ZNF804B: variants seen among roughly 807,000 people sequenced by gnomAD.
ZNF804B encodes the protein zinc finger protein 804B.
A neutral mutation model predicts 101.4 loss-of-function variants in ZNF804B; 80 were observed. That is an observed-to-expected ratio of 0.79 (90% CI 0.66 to 0.95). The LOEUF (loss-of-function observed/expected upper bound fraction) is 0.95, where lower values mean the gene tolerates loss of function less well. Ranked by LOEUF, ZNF804B falls within the 40% of genes least tolerant of loss-of-function variation. The probability of loss-of-function intolerance (pLI) is 0.00; values close to 1 mark genes in which losing one functional copy is unlikely to be tolerated. For missense variants in ZNF804B, 1,673 were observed against 1,561.9 expected, an observed-to-expected ratio of 1.07 and a Z score of -1.20; for synonymous variants, 622 against 558.8, an observed-to-expected ratio of 1.11 and a Z score of -1.59.
chr7:88,841,269 G>A (rs558832463), intron 1 of ZNF804B, among the ~76,000 whole-genome samples: 57 of 152,322 alleles, frequency 3.7e-4, no homozygotes, highest in African/African-American at 1.3e-3. Context: ...TAGTCTTAGA[G>A]TGGGAGCTAT....
At chr7:88,822,108 A>G (rs1790991227) in intron 1 of ZNF804B, among the ~76,000 whole-genome samples, 1 of 152,180 alleles carries the variant, frequency 6.6e-6, no homozygotes, top group South Asian at 2.1e-4. Context: ...CCAACTAATT[A>G]TACTTATCCA....
At chr7:89,324,980 C>T (rs1790877486) in intron 2 of ZNF804B, among the ~76,000 whole-genome samples, 1 of 150,960 alleles carries the variant, frequency 6.6e-6, no homozygotes, top group Non-Finnish European at 1.5e-5. Context: ...TTATCCTCTA[C>T]TGATGCATGA....
intron 1 of ZNF804B, among the ~76,000 whole-genome samples, chr7:89,019,706 C>G (rs1309544484): frequency 6.6e-6 from 1 of 151,884 alleles, no homozygotes; most frequent in Non-Finnish European, 1.5e-5. Context: ...CTGAATTGAT[C>G]CCTTATTTAT....
intron 1 of ZNF804B, among the ~76,000 whole-genome samples, chr7:89,051,368 C>T (rs1378848714): frequency 6.6e-6 from 1 of 151,978 alleles, no homozygotes; most frequent in Non-Finnish European, 1.5e-5. Context: ...ATACTATTAC[C>T]AAGTGATTTA....
rs1406375237 is a variant in ZNF804B at position 88,759,971 on chromosome 7, A to T, written c.-6A>T. On this transcript the variant is annotated 5_prime_UTR_variant, in exon 1 of 4. Transcript: ENST00000333190. Reference sequence around the variant, plus strand: ...GTTGAGACTCTGCGCCTCCGCCCGGACCCACATGGCTTGTTACCTGGTCAT... The same window carrying T: ...GTTGAGACTCTGCGCCTCCGCCCGGTCCCACATGGCTTGTTACCTGGTCAT... The T allele has an allele frequency of 6.2e-7, 1 of 1,613,572 alleles. No individual in the cohort carries two copies. Among genetic ancestry groups the T allele is most frequent in the East Asian group, 2.2e-5 (1 of 44,866 alleles).
rs532375540 is a variant in ZNF804B, at chr7:88,873,666, C to A, written c.108+113582C>A. Among the ~76,000 whole-genome samples, 24 of 152,216 alleles carry A rather than the reference C, an allele frequency of 1.6e-4. 1 individual carries two copies. The highest frequency in any genetic ancestry group is 5.8e-4 in the African/African-American group (24 of 41,522). On this transcript the variant is annotated intron_variant, in intron 1 of 3. Transcript: ENST00000333190. ...TTTATACAAGGTGTAAGGAAGGGAT[C>A]CAGTTTCAGCTTTCTACATATGGCG...
At chr7:89,064,754 C>T (rs182595228) in intron 1 of ZNF804B, among the ~76,000 whole-genome samples, 11 of 152,272 alleles carry the variant, frequency 7.2e-5, no homozygotes, top group Non-Finnish European at 1.5e-4. Context: ...AATTATCTCT[C>T]ATCCTCCCTG....
intron 1 of ZNF804B, among the ~76,000 whole-genome samples, chr7:88,788,063 G>A (rs1269480454): frequency 6.6e-6 from 1 of 152,116 alleles, no homozygotes; most frequent in African/African-American, 2.4e-5. Context: ...GCAACAAAGA[G>A]GGTATAGGGA....
At chr7:89,217,980 G>A (rs1337502599) in intron 1 of ZNF804B, among the ~76,000 whole-genome samples, 175 bp from the exon 2 acceptor site, 7 of 152,140 alleles carry the variant, frequency 4.6e-5, no homozygotes, top group Non-Finnish European at 1.0e-4. Flanking sequence ...TGATATGTCA[G>A]TTGATAAGTT....
chr7:89,034,076 T>C (rs1289382325), intron 1 of ZNF804B, among the ~76,000 whole-genome samples: 3 of 152,108 alleles, frequency 2.0e-5, no homozygotes, highest in South Asian at 2.1e-4. Context: ...GTTGTATCTA[T>C]TGTATTTATT....
At chr7:88,786,267 C>A (rs1313157704) in intron 1 of ZNF804B, among the ~76,000 whole-genome samples, 3 of 152,054 alleles carry the variant, frequency 2.0e-5, no homozygotes, top group African/African-American at 7.2e-5. Context: ...AGATGCTATA[C>A]CAGTGAATTT....
At chr7:88,878,953 C>G (rs1275452208) in intron 1 of ZNF804B, among the ~76,000 whole-genome samples, 1 of 151,674 alleles carries the variant, frequency 6.6e-6, no homozygotes, top group Non-Finnish European at 1.5e-5. Context: ...CTCCTCTAGT[C>G]CTCATTCTAC....
chr7:89,114,129 C>A (rs182634343), intron 1 of ZNF804B, among the ~76,000 whole-genome samples: 1 of 152,252 alleles, frequency 6.6e-6, no homozygotes, highest in Admixed American at 6.5e-5. Flanking sequence ...TTATTAGTAT[C>A]TAATAATCAC....
chr7:88,873,950 C>T (rs1207040139), intron 1 of ZNF804B, among the ~76,000 whole-genome samples: 6 of 152,016 alleles, frequency 3.9e-5, no homozygotes, highest in South Asian at 4.2e-4. Context: ...CTTGGCAATG[C>T]GGGCTCTTTT....
At chr7:89,251,715 A>G (rs1461529379) in intron 2 of ZNF804B, among the ~76,000 whole-genome samples, 1 of 152,206 alleles carries the variant, frequency 6.6e-6, no homozygotes, top group African/African-American at 2.4e-5. Flanking sequence ...AAAAATAGAA[A>G]GACCAATGGA....
intron 1 of ZNF804B, among the ~76,000 whole-genome samples, chr7:89,157,772 A>AAAGACAGGT (rs1256525145): frequency 2.6e-5 from 4 of 152,148 alleles, no homozygotes; most frequent in Non-Finnish European, 5.9e-5. Flanking sequence ...AGAGAAGGTA[A>AAAGACAGGT]AAGACAGGTC....
chr7:89,259,256 T>A (rs909415952), intron 2 of ZNF804B, among the ~76,000 whole-genome samples: 3 of 152,214 alleles, frequency 2.0e-5, no homozygotes, highest in African/African-American at 7.2e-5. Context: ...TTGGCTCTAC[T>A]TTTTCTAAGA....
intron 1 of ZNF804B, among the ~76,000 whole-genome samples, chr7:88,781,565 A>C (rs1790226670): frequency 1.3e-5 from 2 of 152,226 alleles, no homozygotes; most frequent in African/African-American, 4.8e-5. Context: ...GTGGGCCAGC[A>C]GACTATATGC....
chr7:88,958,502 A>G (rs1397041145), intron 1 of ZNF804B, among the ~76,000 whole-genome samples: 1 of 151,494 alleles, frequency 6.6e-6, no homozygotes, highest in Non-Finnish European at 1.5e-5. Context: ...CCATCCATAG[A>G]TATCACCATG....
Sources: gnomAD v4.1 joint callset for allele counts (sites outside exome capture counted in the v4.1 genomes callset) on GRCh38, gnomAD v4.1.1 for gene constraint, MANE v1.5 for transcripts, NCBI Gene and HGNC (gene_info 2026-07-23, HGNC 2026-07-21) for gene names.